The following ANKRD27 variants were observed in gnomAD, a reference collection of about 807,000 sequenced individuals.
ANKRD27 encodes the protein ankyrin repeat domain 27, also known as ankyrin repeat domain-containing protein 27.
Under a neutral mutation model 129.7 loss-of-function variants are expected in ANKRD27, and 112 were observed. That is an observed-to-expected ratio of 0.86 (90% CI 0.74 to 1.01). The LOEUF is 1.01. Among genes scored for constraint, ANKRD27 ranks in the 50% least tolerant of loss-of-function variants. The pLI, the probability that ANKRD27 is intolerant of heterozygous loss-of-function variation, is 0.00. For synonymous variants in ANKRD27, 516 were observed against 511.2 expected (o/e 1.01, Z -0.13); for missense variants, 1,258 against 1,300.5 (o/e 0.97, Z 0.50).
chr19:32,634,955 C>T (rs1406077046), intron 12 of ANKRD27, among the ~76,000 whole-genome samples: 1 of 152,100 alleles, frequency 6.6e-6, no homozygotes. Flanking sequence ...CAAACCAACA[C>T]CAGCACGAGA....
chr19:32,654,225 A>AT (rs768672280), intron 2 of ANKRD27, among the ~76,000 whole-genome samples: 4 of 152,028 alleles, frequency 2.6e-5, no homozygotes, highest in Non-Finnish European at 5.9e-5. Flanking sequence ...GTGATTTCAC[A>AT]TTTTTTGGAG....
chr19:32,674,000 A>AAAT (rs1555750381), intron 1 of ANKRD27, among the ~76,000 whole-genome samples: 2 of 147,434 alleles, frequency 1.4e-5, no homozygotes, highest in Non-Finnish European at 1.5e-5. Flanking sequence ...AAAAAAAAAA[A>AAAT]TTAAAAATTA....
In ANKRD27 at chr19:32,664,814, G is replaced by A. The variant is rs911245473; in HGVS notation, c.-30-5769C>T. Among the ~76,000 whole-genome samples the A allele has an allele frequency of 4.0e-5, 6 of 149,620 alleles. No individual in the cohort carries two copies. The East Asian group carries it at 1.2e-3, about 30-fold the overall frequency. ...ATACAAAAATTAGCCAGGCTACTCGGGAGGATGAGGCAGGAGAATCGCTTG... is the reference window on the plus strand; with the variant it reads ...ATACAAAAATTAGCCAGGCTACTCGAGAGGATGAGGCAGGAGAATCGCTTG... On this transcript the variant is annotated intron_variant, in intron 1 of 28. Transcript: ENST00000306065.
At chr19:32,658,848 C>A in intron 2 of ANKRD27, 66 bp downstream of exon 2, 1 of 1,301,726 alleles carries the variant, frequency 7.7e-7, no homozygotes, top group East Asian at 2.3e-5. Context: ...CCAAACTGAG[C>A]CTTAGTCTAC....
intron 13 of ANKRD27, among the ~76,000 whole-genome samples, chr19:32,629,679 G>A (rs1422985762): frequency 2.6e-5 from 4 of 151,912 alleles, no homozygotes; most frequent in Non-Finnish European, 5.9e-5. Flanking sequence ...CAGCCTGGGT[G>A]ACAGAGTGAG....
intron 2 of ANKRD27, 142 bp from the exon 3 acceptor site, chr19:32,649,934 G>A (rs1054081843): frequency 1.2e-4 from 81 of 657,820 alleles, no homozygotes; most frequent in South Asian, 7.0e-4. Flanking sequence ...TTGCCAACAC[G>A]GCCACAGTGG....
At chr19:32,658,234 C>T (rs991643458) in intron 2 of ANKRD27, among the ~76,000 whole-genome samples, 1 of 152,170 alleles carries the variant, frequency 6.6e-6, no homozygotes, top group Non-Finnish European at 1.5e-5. Context: ...GCACCCGGGA[C>T]ACTGTGTCCC....
intron 1 of ANKRD27, among the ~76,000 whole-genome samples, chr19:32,669,059 G>A (rs988407161): frequency 1.3e-5 from 2 of 152,054 alleles, no homozygotes; most frequent in South Asian, 2.1e-4. Flanking sequence ...TAATCCTCCC[G>A]CCTCAGCCTC....
chr19:32,660,400 G>T (rs7253866), intron 1 of ANKRD27, among the ~76,000 whole-genome samples: 16,028 of 152,170 alleles, frequency 0.11, 1,105 homozygotes, highest in East Asian at 0.26. Context: ...AAAATTAGCT[G>T]GGTGTGGTGG....
chr19:32,668,051 T>A (rs1246674869), intron 1 of ANKRD27, among the ~76,000 whole-genome samples: 1 of 152,242 alleles, frequency 6.6e-6, no homozygotes, highest in Non-Finnish European at 1.5e-5. Context: ...AACTGCATGA[T>A]GAATTCTATT....
chr19:32,648,646 A>G (rs568832681), intron 3 of ANKRD27, among the ~76,000 whole-genome samples: 3 of 151,766 alleles, frequency 2.0e-5, no homozygotes, highest in African/African-American at 7.3e-5. Flanking sequence ...TAAAAATACA[A>G]AAAATTAGCT....
intron 22 of ANKRD27, among the ~76,000 whole-genome samples, chr19:32,614,589 C>T (rs1344700943): frequency 6.6e-6 from 1 of 151,794 alleles, no homozygotes; most frequent in African/African-American, 2.4e-5. Context: ...CTATGGTCCC[C>T]GCTACACAGG....
chr19:32,651,934 T>C (rs777430571), intron 2 of ANKRD27, among the ~76,000 whole-genome samples: 8 of 152,178 alleles, frequency 5.3e-5, no homozygotes, highest in Non-Finnish European at 8.8e-5. Context: ...TAGTTCCTCC[T>C]ATGCCAAGAA....
chr19:32,600,094 G>T (rs1424516518), intron 26 of ANKRD27, 44 bp from the exon 27 acceptor site: 4 of 1,365,124 alleles, frequency 2.9e-6, no homozygotes, highest in Admixed American at 1.8e-5. Context: ...AAAAACAGTT[G>T]TAAAGATTAT....
At chr19:32,627,454 G>A (rs1038700576) in intron 15 of ANKRD27, among the ~76,000 whole-genome samples, 3 of 149,758 alleles carry the variant, frequency 2.0e-5, no homozygotes, top group African/African-American at 7.4e-5. Context: ...GCTGGAGTGC[G>A]GTGGTGCTAT....
intron 9 of ANKRD27, 38 bp from the exon 10 acceptor site, chr19:32,642,183 A>G: frequency 1.9e-6 from 3 of 1,541,386 alleles, no homozygotes; most frequent in East Asian, 2.3e-5. Flanking sequence ...TTCAGAGCAC[A>G]GTAAGAGAAC....
intron 2 of ANKRD27, among the ~76,000 whole-genome samples, chr19:32,656,188 A>T (rs1205160815): frequency 6.6e-6 from 1 of 152,226 alleles, no homozygotes; most frequent in Non-Finnish European, 1.5e-5. Flanking sequence ...CACCATGCTG[A>T]GCAAGATAGA....
At chr19:32,635,538 C>T (rs886597786) in intron 12 of ANKRD27, among the ~76,000 whole-genome samples, 1 of 152,100 alleles carries the variant, frequency 6.6e-6, no homozygotes. Flanking sequence ...CTCCTGGCCT[C>T]GGGTGATCCA....
chr19:32,625,328 C>T (rs551447395), intron 17 of ANKRD27, among the ~76,000 whole-genome samples: 20 of 151,880 alleles, frequency 1.3e-4, no homozygotes, highest in Admixed American at 7.2e-4. Flanking sequence ...AAGAACCAGA[C>T]GGTAGCAAGG....
Sources: allele counts gnomAD v4.1 joint callset (sites outside exome capture counted in the v4.1 genomes callset), GRCh38; gene constraint gnomAD v4.1.1; transcripts MANE v1.5; gene names NCBI Gene and HGNC (gene_info 2026-07-23, HGNC 2026-07-21).